LILRB5: variants seen among roughly 807,000 people sequenced by gnomAD.
LILRB5 encodes leukocyte immunoglobulin like receptor B5.
Under a neutral mutation model 68.4 loss-of-function variants are expected in LILRB5, and 61 were observed. The observed-to-expected ratio is 0.89, with a 90% confidence interval of 0.73 to 1.10. The LOEUF (loss-of-function observed/expected upper bound fraction) is 1.10. Ranked by LOEUF, LILRB5 falls within the 50% of genes least tolerant of loss-of-function variation. LILRB5 has a pLI of 0.00. For missense variants in LILRB5, 771 were observed against 751.6 expected, an observed-to-expected ratio of 1.03 and a Z score of -0.30; for synonymous variants, 356 against 315.8, an observed-to-expected ratio of 1.13 and a Z score of -1.35.
intron 1 of LILRB5, 45 bp from the exon 2 acceptor site, chr19:54,257,041 G>C: frequency 6.2e-7 from 1 of 1,614,148 alleles, no homozygotes; most frequent in Non-Finnish European, 8.5e-7. Context: ...GGAAGCCCCA[G>C]CAGTTCCTCT....
rs778461091 is a variant in LILRB5 at position 54,254,927 on chromosome 19, A to AAAAGAAAGTGTC, written c.1051_1062dup (p.Asp351_Phe354dup). ...GGATGGGCTGCCCCCTCCTTGGTCAAAAAGAAAGTGTCTATCTGATGCCAT... is the reference window on the plus strand; with the variant it reads ...GGATGGGCTGCCCCCTCCTTGGTCAAAAAGAAAGTGTCAAAGAAAGTGTCTATCTGATGCCAT... On this transcript the variant is annotated inframe_insertion, in exon 6 of 13. Coordinates refer to ENST00000449561, the MANE Select transcript of LILRB5 (RefSeq NM_001081442.3). 1.2e-6 allele frequency: 2 copies of AAAAGAAAGTGTC among 1,613,878 alleles called. No homozygotes were observed. The highest frequency in any genetic ancestry group is 1.7e-6 in the Non-Finnish European group (2 of 1,179,928).
intron 9 of LILRB5, 88 bp downstream of exon 9, chr19:54,252,783 C>T: frequency 6.9e-6 from 9 of 1,310,074 alleles, no homozygotes; most frequent in Non-Finnish European, 9.6e-6. Context: ...TTTTTCTAAG[C>T]TGACTTTCCT....
intron 6 of LILRB5, 32 bp from the exon 7 acceptor site, chr19:54,254,447 C>G: frequency 2.6e-6 from 4 of 1,558,988 alleles, no homozygotes; most frequent in Non-Finnish European, 3.5e-6. Context: ...GAGCGAGGCG[C>G]TTTGGTGCTG....
In LILRB5 at chr19:54,255,498, T is replaced by C. The variant is rs12975366; in HGVS notation, c.740A>G (p.Asp247Gly). 607,608 of 1,613,696 alleles carry C rather than the reference T, an allele frequency of 0.38. 120,624 individuals are homozygous for C. Among genetic ancestry groups the C allele is most frequent in the Middle Eastern group, 0.5 (3,039 of 6,060 alleles). ...CAGAACGAATATGTCATAGCCGACATCAGAGCGACACTGCAGGGTCAGGCT... is the reference window on the plus strand; with the variant it reads ...CAGAACGAATATGTCATAGCCGACACCAGAGCGACACTGCAGGGTCAGGCT... ...GGSLTLQCRS[D>G]VGYDIFVLYK... The change falls in exon 5 of 13, where the codon GAT becomes GGT. Residue 247 changes from aspartate to glycine, a missense_variant. By Grantham distance (94) the Asp-to-Gly change is moderately conservative (BLOSUM62 -1). Transcript: ENST00000449561.
rs769766355 is a variant in LILRB5, at chr19:54,252,461, G to A, written c.1538+25C>T. On this transcript the variant is annotated intron_variant, in intron 10 of 12. Transcript: ENST00000449561. ...GAGGGGGCTGTGCGGGTGGATGGGAGTCTTGGGTCTTCATGCAGAATTACC... is the reference window on the plus strand; with the variant it reads ...GAGGGGGCTGTGCGGGTGGATGGGAATCTTGGGTCTTCATGCAGAATTACC... 8.7e-6 allele frequency: 14 copies of A among 1,614,136 alleles called. No individual in the cohort carries two copies. In the South Asian group the frequency reaches 1.5e-4, roughly 18 times the overall value.
At position 54,256,254 on chromosome 19, in the gene LILRB5, G is replaced by A. The variant is rs141325399; in HGVS notation, c.444C>T (p.Asp148=). ...CAACAAGAACAAACGTGAGAAGTCC[G>A]TCCAGTGTATCACACTGGAGGGTCA... ...GNVTLQCDTL[D]GLLTFVLVEE... The change falls in exon 4 of 13, where the codon GAC becomes GAT. Residue 148 remains aspartate (D), a synonymous_variant. Transcript: ENST00000449561. The A allele has an allele frequency of 5.1e-5, 82 of 1,613,700 alleles. No individual in the cohort carries two copies. The African/African-American group carries it at 5.2e-4, about 10-fold the overall frequency.
chr19:54,254,080 C>T lies in LILRB5; in HGVS notation c.1307-12G>A, dbSNP rs201808266. On this transcript the variant is annotated splice_polypyrimidine_tract_variant and intron_variant, in intron 7 of 12. Coordinates refer to ENST00000449561, the MANE Select transcript of LILRB5 (RefSeq NM_001081442.3). ...GTCCTCAGGGCCTGCTGGGTCAGGA[C>T]GGGGAGGTGAGGGCTGGGGCTGCCC... 11 of 1,592,436 alleles carry T rather than the reference C, an allele frequency of 6.9e-6. No homozygotes were observed. The highest frequency in any genetic ancestry group is 2.3e-5 in the South Asian group (2 of 87,722).
chr19:54,255,246 C>T (rs373723939), intron 5 of LILRB5, 40 bp downstream of exon 5: 10 of 1,603,094 alleles, frequency 6.2e-6, no homozygotes, highest in African/African-American at 1.3e-5. Flanking sequence ...AGGACCTGTG[C>T]AGAGCCTGGG....
In LILRB5 at chr19:54,252,851, T is replaced by C. The variant is rs994712915; in HGVS notation, c.1474+20A>G. ...AGCCCACCCTCGGTCGGCCCACGGG[T>C]TCCCCCATTCCCTACTCACCCGATG... is the stretch of plus-strand genomic sequence containing the variant. On this transcript the variant is annotated intron_variant, in intron 9 of 12. Coordinates refer to ENST00000449561, the MANE Select transcript of LILRB5 (RefSeq NM_001081442.3). 3.8e-5 allele frequency: 61 copies of C among 1,596,524 alleles called. No homozygotes were observed. In the Admixed American group the frequency reaches 8.1e-4, roughly 21 times the overall value.
In LILRB5 at chr19:54,253,416, C is replaced by T. The variant is rs538718592; in HGVS notation, c.1358-429G>A. 4 of 207,964 alleles carry T rather than the reference C, an allele frequency of 1.9e-5. No homozygotes were observed. In the South Asian group the frequency reaches 3.2e-4, roughly 17 times the overall value. 12.9% of individuals were successfully genotyped at this position (207,964 alleles called of 1,614,324 possible). A position where few individuals can be genotyped will look rare whatever the true frequency, so the allele number is the denominator to read the frequency against. On this transcript the variant is annotated intron_variant, in intron 8 of 12. Transcript: ENST00000449561. ...CCCTGCATTGCTCTCACTCCCAGCT[C>T]AGCCAGGTCCGTTTCCCACTCTGCC...
intron 8 of LILRB5, 36 bp downstream of exon 8, chr19:54,253,982 T>A (rs2147630902): frequency 6.4e-7 from 1 of 1,567,800 alleles, no homozygotes; most frequent in South Asian, 1.2e-5. Flanking sequence ...CCTCCCCTGG[T>A]CTCCGCCCAC....
At chr19:54,254,652 C>A in intron 6 of LILRB5, 83 bp downstream of exon 6, 1 of 1,557,326 alleles carries the variant, frequency 6.4e-7, no homozygotes, top group Non-Finnish European at 8.8e-7. Flanking sequence ...CGCACCGCGA[C>A]TCCATCCCAG....
At chr19:54,256,451 G>T (rs766881395) in intron 3 of LILRB5, 38 bp downstream of exon 3, 1 of 1,609,770 alleles carries the variant, frequency 6.2e-7, no homozygotes. Context: ...CTTCCTGAGG[G>T]CAGAGCCTGG....
At position 54,255,021 on chromosome 19, in the gene LILRB5, T is replaced by C. The variant is rs1217665870; in HGVS notation, c.969A>G (p.Ile323Met). 6.2e-7 allele frequency: 1 copy of C among 1,607,040 alleles called. No individual in the cohort carries two copies. The highest frequency in any genetic ancestry group is 8.5e-7 in the Non-Finnish European group (1 of 1,176,436). ...DILIAGLIPDIPALSVQPGPK... is the reference protein window; with the variant it reads ...DILIAGLIPDMPALSVQPGPK... ...GGCCCGGCTGCACCGAGAGGGCGGG[T>C]ATGTCAGGGATCAGTCCTGGAGAGA... The change falls in exon 6 of 13, where the codon ATA (isoleucine) becomes ATG (methionine). Residue 323 changes from isoleucine to methionine, a missense_variant. Ile to Met is a conservative substitution (Grantham distance 10). Transcript: ENST00000449561.
rs774755963 is a variant in LILRB5, at chr19:54,252,410, G to A, written c.1539-7C>T. The A allele has an allele frequency of 1.3e-5, 21 of 1,614,058 alleles. No individual in the cohort carries two copies. Among genetic ancestry groups the A allele is most frequent in the Non-Finnish European group, 1.8e-5 (21 of 1,180,026 alleles). On this transcript the variant is annotated splice_polypyrimidine_tract_variant and splice_region_variant and intron_variant, in intron 10 of 12. Coordinates refer to ENST00000449561, the MANE Select transcript of LILRB5 (RefSeq NM_001081442.3). The stretch of plus-strand genomic sequence containing the variant: ...GTCAGCAACTGGGCTGGCCCTGGGG[G>A]AGGACACGGGAGTGTGAGGGGCAGT...
chr19:54,251,466 G>T, intron 12 of LILRB5: 1 of 531,074 alleles, frequency 1.9e-6, no homozygotes. Flanking sequence ...TCAGAGGATC[G>T]TGTGCCCCAC....
rs1268767553 is a variant in LILRB5, at chr19:54,251,100, C to A, written c.1630-168G>T. On this transcript the variant is annotated intron_variant, in intron 12 of 12. Coordinates refer to ENST00000449561, the MANE Select transcript of LILRB5 (RefSeq NM_001081442.3). ...AGTGGGGAAGGAGGAGAGGCCATTTCTCTCCTAGGTCTGGAGTGTTTCACC... is the reference window on the plus strand; with the variant it reads ...AGTGGGGAAGGAGGAGAGGCCATTTATCTCCTAGGTCTGGAGTGTTTCACC... The A allele has an allele frequency of 3.9e-6, 6 of 1,521,582 alleles. No homozygotes were observed. The South Asian group carries it at 6.8e-5, about 17-fold the overall frequency. The allele number at this position is 1,521,582 out of a possible 1,614,324, so 94.3% of individuals were successfully genotyped here.
intron 2 of LILRB5, 44 bp from the exon 3 acceptor site, chr19:54,256,817 TCA>T: frequency 6.2e-7 from 1 of 1,610,452 alleles, no homozygotes; most frequent in Non-Finnish European, 8.5e-7. Flanking sequence ...TCCCCATCCC[TCA>T]GATTCCAGCT....
chr19:54,255,719 C>T (rs2079119052), intron 4 of LILRB5, 137 bp from the exon 5 acceptor site: 12 of 1,102,420 alleles, frequency 1.1e-5, no homozygotes, highest in Non-Finnish European at 1.5e-5. Flanking sequence ...CTCCTTCTCA[C>T]CTGGGTCTGT....
Sources: gnomAD v4.1 joint callset for allele counts on GRCh38, gnomAD v4.1.1 for gene constraint, MANE v1.5 for transcripts, NCBI Gene and HGNC (gene_info 2026-07-23, HGNC 2026-07-21) for gene names.